The following NLRP8 variants were observed in gnomAD, a reference collection of about 807,000 sequenced individuals.
NLRP8 encodes the protein NLR family pyrin domain containing 8, also known as NACHT, LRR and PYD domains-containing protein 8.
A neutral mutation model predicts 88.7 loss-of-function variants in NLRP8; 86 were observed. That is an observed-to-expected ratio of 0.97 (90% CI 0.81 to 1.16). The LOEUF is 1.16. Among genes scored for constraint, NLRP8 ranks in the 50% most tolerant of loss-of-function variants. The probability of loss-of-function intolerance (pLI) is 0.00; values close to 1 mark genes in which losing one functional copy is unlikely to be tolerated. For synonymous variants in NLRP8, 504 were observed against 494.6 expected, an observed-to-expected ratio of 1.02 and a Z score of -0.25; for missense variants, 1,342 against 1,286.5, an observed-to-expected ratio of 1.04 and a Z score of -0.66.
At chr19:55,970,796 A>T (rs1980043883) in intron 6 of NLRP8, 100 bp downstream of exon 6, 1 of 1,471,456 alleles carries the variant, frequency 6.8e-7, no homozygotes, top group Admixed American at 1.9e-5. Flanking sequence ...GGGAAGGTAC[A>T]TGTATAGGAG....
At position 55,952,610 on chromosome 19, in the gene NLRP8, C is replaced by G. The variant is rs1348247289; in HGVS notation, c.440C>G (p.Ser147Cys). 8 of 1,613,304 alleles carry G rather than the reference C, an allele frequency of 5.0e-6. No homozygotes were observed. Among genetic ancestry groups the G allele is most frequent in the South Asian group, 1.1e-5 (1 of 91,056 alleles). The change falls in exon 2 of 10, where the codon TCT (serine) becomes TGT (cysteine). Residue 147 changes from serine (S) to cysteine (C), a missense_variant and splice_region_variant. By Grantham distance (112) the Ser-to-Cys change is moderately radical. Transcript: ENST00000291971. ...CAGGTGAATCTGGAGGAAGGAGAAT[C>G]TGGTATGTGCCTGTATCACAGCAGA...
At chr19:55,980,754 C>T (rs901104397) in intron 9 of NLRP8, among the ~76,000 whole-genome samples, 4 of 152,118 alleles carry the variant, frequency 2.6e-5, no homozygotes, top group African/African-American at 7.2e-5. Flanking sequence ...TTGAAAGTGG[C>T]GTCCCATCAC....
chr19:55,985,467 C>A (rs1162779661), intron 9 of NLRP8, among the ~76,000 whole-genome samples: 1 of 152,068 alleles, frequency 6.6e-6, no homozygotes, highest in Admixed American at 6.6e-5. Flanking sequence ...TGACTTCTGA[C>A]AAGCTGACAT....
At chr19:55,959,801 C>T (rs1235777523) in intron 3 of NLRP8, among the ~76,000 whole-genome samples, 1 of 152,148 alleles carries the variant, frequency 6.6e-6, no homozygotes, top group East Asian at 1.9e-4. Flanking sequence ...TATATGTCTA[C>T]GTGTAAGTGT....
chr19:55,960,153 T>G (rs1295239901), intron 3 of NLRP8, among the ~76,000 whole-genome samples: 2 of 152,182 alleles, frequency 1.3e-5, no homozygotes, highest in African/African-American at 2.4e-5. Flanking sequence ...TTTTGTTACA[T>G]TCCAGCCTTT....
chr19:55,953,531 C>T (rs992666982), intron 2 of NLRP8, among the ~76,000 whole-genome samples: 1 of 151,996 alleles, frequency 6.6e-6, no homozygotes, highest in African/African-American at 2.4e-5. Flanking sequence ...GAGTCTCGCT[C>T]TGTCGCCCAG....
In NLRP8 at chr19:55,968,167, C is replaced by T. The variant is rs557420061; in HGVS notation, c.2381+1787C>T. ...AAAAATTTTTGTGGCGGCTGGACAC[C>T]GTGGCTCATGCCTGTAATCCCAGCC... On this transcript the variant is annotated intron_variant, in intron 5 of 9. Coordinates refer to ENST00000291971, the MANE Select transcript of NLRP8 (RefSeq NM_176811.2). Among the ~76,000 whole-genome samples, 72 of 152,206 alleles carry T rather than the reference C, an allele frequency of 4.7e-4. 1 individual carries two copies. In the East Asian group the frequency reaches 9.8e-3, roughly 21 times the overall value.
In NLRP8 at chr19:55,970,721, G is replaced by T. The variant is rs200538179; in HGVS notation, c.2534+25G>T. 4.2e-5 allele frequency: 68 copies of T among 1,609,994 alleles called. No homozygotes were observed. The South Asian group carries it at 7.3e-4, about 17-fold the overall frequency. ...CGTAAGTCTCCTTTCTAGTGGCTGTGGTTGTGGTTGTGGTTGTGGTGGTTG... is the reference window on the plus strand; with the variant it reads ...CGTAAGTCTCCTTTCTAGTGGCTGTTGTTGTGGTTGTGGTTGTGGTGGTTG... On this transcript the variant is annotated intron_variant, in intron 6 of 9. Transcript: ENST00000291971.
chr19:55,953,488 T>G (rs1327188548), intron 2 of NLRP8, among the ~76,000 whole-genome samples: 1 of 140,108 alleles, frequency 7.1e-6, no homozygotes, highest in East Asian at 2.1e-4. Flanking sequence ...ATTTCTTTCT[T>G]TCTTTCTTTC....
chr19:55,954,732 T>C lies in NLRP8; in HGVS notation c.674T>C (p.Phe225Ser), dbSNP rs1160235303. Residue 225 changes from phenylalanine (F) to serine (S), a missense_variant, in exon 3 of 10, where the codon TTT (phenylalanine) becomes TCT (serine). Physicochemically the swap from Phe to Ser is radical, Grantham distance 155. Transcript: ENST00000291971. ...ACAATCCTGGCCAAAAAGGTGATGTTTGAGTGGGCCAGAAACAAGTTCTAC... is the reference window on the plus strand; with the variant it reads ...ACAATCCTGGCCAAAAAGGTGATGTCTGAGTGGGCCAGAAACAAGTTCTAC... The C allele has an allele frequency of 3.1e-6, 5 of 1,614,108 alleles. No individual in the cohort carries two copies. The highest frequency in any genetic ancestry group is 4.2e-6 in the Non-Finnish European group (5 of 1,180,024).
rs1219072113 is a variant in NLRP8, at chr19:55,955,288, GGA to G, written c.1236_1237del (p.Gly413LysfsTer20). The G allele has an allele frequency of 1.9e-6, 3 of 1,614,060 alleles. No homozygotes were observed. In the African/African-American group the frequency reaches 4.0e-5, roughly 22 times the overall value. Reference sequence around the variant, plus strand: ...TCTGCTCTGGTCTGAAACAGCAAATGGAGAGAGGAAACAATCTCACACAGTCA... The same window carrying G: ...TCTGCTCTGGTCTGAAACAGCAAATGGAGAGGAAACAATCTCACACAGTCA... On this transcript the variant is annotated frameshift_variant, in exon 3 of 10. Coordinates refer to ENST00000291971, the MANE Select transcript of NLRP8 (RefSeq NM_176811.2). LOFTEE classifies it high-confidence loss of function.
intron 6 of NLRP8, among the ~76,000 whole-genome samples, chr19:55,972,962 T>C (rs950640245): frequency 6.6e-6 from 1 of 152,162 alleles, no homozygotes; most frequent in African/African-American, 2.4e-5. Context: ...TGACTTCTTT[T>C]CCTCTGGGTG....
Position 55,988,000 on chromosome 19 carries a change from A to G in NLRP8, c.*87A>G. 1 of 989,726 alleles carries G rather than the reference A, an allele frequency of 1.0e-6. No individual in the cohort carries two copies. Among genetic ancestry groups the G allele is most frequent in the Non-Finnish European group, 1.6e-6 (1 of 626,398 alleles). The allele number at this position is 989,726 out of a possible 1,614,324, so 61.3% of individuals were successfully genotyped here. ...TACCAGGCGTTATCATCCTGTATGCATTAACGTACTTTCCCCTGAAACAGA... is the reference window on the plus strand; with the variant it reads ...TACCAGGCGTTATCATCCTGTATGCGTTAACGTACTTTCCCCTGAAACAGA... On this transcript the variant is annotated 3_prime_UTR_variant, in exon 10 of 10. Transcript: ENST00000291971.
intron 5 of NLRP8, among the ~76,000 whole-genome samples, chr19:55,966,622 A>G (rs908321424): frequency 6.6e-6 from 1 of 152,116 alleles, no homozygotes; most frequent in South Asian, 2.1e-4. Context: ...GTGAAACTCC[A>G]TCTCTACTAA....
Position 55,976,184 on chromosome 19 carries a change from G to A in NLRP8, c.2757G>A (p.Ala919=), listed in dbSNP as rs187689961. ...ATTGCTGTCAGGATATGATCTCTGC[G>A]CTCTGTAAAAATAAAACCCTGAAAA... The change falls in exon 8 of 10, where the codon GCG becomes GCA. Residue 919 remains alanine (A), a synonymous_variant. Transcript: ENST00000291971. 92 of 1,613,492 alleles carry A rather than the reference G, an allele frequency of 5.7e-5. No homozygotes were observed. The highest frequency in any genetic ancestry group is 7.1e-5 in the Non-Finnish European group (84 of 1,179,888).
rs114975453 is a variant in NLRP8 at position 55,962,656 on chromosome 19, A to T, written c.2213+419A>T. ...ATTTACTTCAGCTCAGGTGTTCGAG[A>T]CCAGTCCCAGCTACTTGGGAGGCTG... On this transcript the variant is annotated intron_variant, in intron 4 of 9. Transcript: ENST00000291971. Among the ~76,000 whole-genome samples, 500 of 152,136 alleles carry T rather than the reference A, an allele frequency of 3.3e-3. 2 individuals carry two copies. Among genetic ancestry groups the T allele is most frequent in the African/African-American group, 0.011 (459 of 41,514 alleles).
intron 4 of NLRP8, 82 bp downstream of exon 4, chr19:55,962,319 T>C: frequency 1.4e-6 from 2 of 1,417,340 alleles, no homozygotes; most frequent in South Asian, 2.6e-5. Context: ...CCCTCTCCAC[T>C]CACACTAGAC....
Position 55,966,315 on chromosome 19 carries a change from G to A in NLRP8, c.2316G>A (p.Glu772=), listed in dbSNP as rs1408540827. ...TGGAAATACAACATGTGGAAGTGGA[G>A]TCCAAAGCTGTGAAGCTTCTATGCA... Residue 772 remains glutamate, a synonymous_variant, in exon 5 of 10, where the codon GAG becomes GAA. Transcript: ENST00000291971. The A allele has an allele frequency of 2.5e-6, 4 of 1,614,126 alleles. No individual in the cohort carries two copies. The Admixed American group carries it at 6.7e-5, about 27-fold the overall frequency.
intron 4 of NLRP8, among the ~76,000 whole-genome samples, chr19:55,964,056 ACTCC>A (rs1568463235): frequency 3.9e-5 from 6 of 151,926 alleles, no homozygotes; most frequent in Non-Finnish European, 8.8e-5. Context: ...CTTAGCCACC[ACTCC>A]ATACGCTATC....
Sources: gnomAD v4.1 joint callset for allele counts (sites outside exome capture counted in the v4.1 genomes callset) on GRCh38, gnomAD v4.1.1 for gene constraint, MANE v1.5 for transcripts, NCBI Gene and HGNC (gene_info 2026-07-23, HGNC 2026-07-21) for gene names.